Variants in C13orf42 observed in about 807,000 individuals in gnomAD.
C13orf42 encodes uncharacterized protein C13orf42.
chr13:51,090,013 T>C (rs776118517), intron 1 of C13orf42, among the ~76,000 whole-genome samples: 1 of 151,630 alleles, frequency 6.6e-6, no homozygotes, highest in Non-Finnish European at 1.5e-5. Context: ...GTGGAGACGC[T>C]CTAGACTGGG....
chr13:51,150,721 C>T (rs974442950), intron 1 of C13orf42, among the ~76,000 whole-genome samples: 4 of 152,138 alleles, frequency 2.6e-5, no homozygotes, highest in African/African-American at 7.2e-5. Context: ...GAAAGATACT[C>T]GCAGAGAGAC....
At chr13:51,145,708 G>A (rs3990081) in intron 1 of C13orf42, among the ~76,000 whole-genome samples, 1 of 151,870 alleles carries the variant, frequency 6.6e-6, no homozygotes, top group African/African-American at 2.4e-5. Flanking sequence ...AAAGACTAAT[G>A]AGAAACTCAA....
At chr13:51,119,856 T>A (rs1186588493) in intron 1 of C13orf42, among the ~76,000 whole-genome samples, 2 of 152,056 alleles carry the variant, frequency 1.3e-5, no homozygotes, top group African/African-American at 4.8e-5. Flanking sequence ...TGAATGTACT[T>A]AACGCCACTA....
intron 1 of C13orf42, among the ~76,000 whole-genome samples, chr13:51,093,012 A>G (rs1326836049): frequency 6.6e-6 from 1 of 152,170 alleles, no homozygotes; most frequent in Non-Finnish European, 1.5e-5. Flanking sequence ...AGTTTTCAGC[A>G]ACATTATCCA....
chr13:51,166,072 T>C (rs1000506959), intron 1 of C13orf42, among the ~76,000 whole-genome samples: 7 of 152,230 alleles, frequency 4.6e-5, no homozygotes, highest in African/African-American at 1.7e-4. Context: ...GAATACCTAC[T>C]ATGGACTAAG....
intron 1 of C13orf42, among the ~76,000 whole-genome samples, chr13:51,141,109 T>A (rs1953693015): frequency 6.9e-6 from 1 of 144,852 alleles, no homozygotes; most frequent in African/African-American, 2.6e-5. Flanking sequence ...TGTGTGTGTG[T>A]GTGTGTGTGT....
intron 1 of C13orf42, among the ~76,000 whole-genome samples, chr13:51,107,680 G>A (rs1274982815): frequency 6.6e-6 from 1 of 152,124 alleles, no homozygotes; most frequent in Admixed American, 6.5e-5. Flanking sequence ...AAAGACATCA[G>A]ACTTTTAAAG....
intron 1 of C13orf42, among the ~76,000 whole-genome samples, chr13:51,092,696 C>T (rs1953192342): frequency 6.6e-6 from 1 of 151,758 alleles, no homozygotes; most frequent in Admixed American, 6.6e-5. Context: ...ATAAGAAGTC[C>T]AAATTATATA....
intron 1 of C13orf42, among the ~76,000 whole-genome samples, chr13:51,134,665 C>T (rs772047484): frequency 1.3e-5 from 2 of 152,104 alleles, no homozygotes; most frequent in African/African-American, 4.8e-5. Context: ...GGGCCCAGCT[C>T]CAGCTGAGAG....
chr13:51,094,460 T>G (rs966380899), intron 1 of C13orf42, among the ~76,000 whole-genome samples: 4 of 152,246 alleles, frequency 2.6e-5, no homozygotes, highest in Non-Finnish European at 5.9e-5. Context: ...CTTTTAATTA[T>G]GTTGTAAACA....
At chr13:51,100,482 A>G (rs1462539941) in intron 1 of C13orf42, among the ~76,000 whole-genome samples, 1 of 152,182 alleles carries the variant, frequency 6.6e-6, no homozygotes, top group Non-Finnish European at 1.5e-5. Context: ...AATACAGCCA[A>G]AAGAAAATGT....
At chr13:51,113,591 T>A (rs1301022475), upstream of C13orf42, among the ~76,000 whole-genome samples, 11 of 145,732 alleles carry the variant, frequency 7.5e-5, no homozygotes, top group African/African-American at 2.7e-4. Flanking sequence ...TGTGTGTGTG[T>A]GTACGTGTGT....
intron 1 of C13orf42, among the ~76,000 whole-genome samples, chr13:51,163,793 C>T (rs1953884263): frequency 6.6e-6 from 1 of 152,132 alleles, no homozygotes; most frequent in African/African-American, 2.4e-5. Context: ...TGAGTTATTG[C>T]TGTCAGATGT....
chr13:51,137,199 T>A (rs192369020), intron 1 of C13orf42, among the ~76,000 whole-genome samples: 1 of 152,352 alleles, frequency 6.6e-6, no homozygotes, highest in East Asian at 1.9e-4. Flanking sequence ...ACAGTACATA[T>A]GTTTATATAG....
At chr13:51,136,154 C>A (rs955913260) in intron 1 of C13orf42, among the ~76,000 whole-genome samples, 1 of 152,176 alleles carries the variant, frequency 6.6e-6, no homozygotes, top group East Asian at 1.9e-4. Flanking sequence ...GTGAGATCAA[C>A]CCCCTGCCCC....
chr13:51,095,124 T>C (rs984158334), intron 1 of C13orf42, among the ~76,000 whole-genome samples: 5 of 152,158 alleles, frequency 3.3e-5, no homozygotes, highest in African/African-American at 9.6e-5. Context: ...AATTACCCAG[T>C]CTTAGGTATG....
At chr13:51,105,736 T>G (rs1953346502) in intron 1 of C13orf42, among the ~76,000 whole-genome samples, 1 of 152,232 alleles carries the variant, frequency 6.6e-6, no homozygotes, top group South Asian at 2.1e-4. Flanking sequence ...TTTTTTTCTC[T>G]CCTGATTTTC....
intron 1 of C13orf42, among the ~76,000 whole-genome samples, chr13:51,150,065 A>G (rs997342811): frequency 1.3e-5 from 2 of 152,252 alleles, no homozygotes; most frequent in Non-Finnish European, 2.9e-5. Context: ...TAGATATAAA[A>G]CCAGTTTTAA....
chr13:51,128,073 T>C (rs1307052678), intron 1 of C13orf42, among the ~76,000 whole-genome samples: 1 of 152,182 alleles, frequency 6.6e-6, no homozygotes, highest in Non-Finnish European at 1.5e-5. Context: ...ATCAGCACCA[T>C]GAGAGTTTAC....
Sources: allele counts gnomAD v4.1 joint callset (sites outside exome capture counted in the v4.1 genomes callset), GRCh38; gene constraint gnomAD v4.1.1; transcripts MANE v1.5; gene names NCBI Gene and HGNC (gene_info 2026-07-23, HGNC 2026-07-21).